The following HSDL2 variants were observed in gnomAD, a reference collection of about 807,000 sequenced individuals.
The protein encoded by HSDL2 is hydroxysteroid dehydrogenase like 2.
A neutral mutation model predicts 46.3 loss-of-function variants in HSDL2; 27 were observed. The observed-to-expected ratio is 0.58, with a 90% confidence interval of 0.43 to 0.80. The LOEUF (loss-of-function observed/expected upper bound fraction) is 0.80. Among genes scored for constraint, HSDL2 ranks in the 30% least tolerant of loss-of-function variants. The pLI, the probability that HSDL2 is intolerant of heterozygous loss-of-function variation, is 0.00. For synonymous variants in HSDL2, 153 were observed against 163.6 expected, an observed-to-expected ratio of 0.94 and a Z score of 0.50; for missense variants, 451 against 502.7, an observed-to-expected ratio of 0.90 and a Z score of 0.98.
chr9:112,402,823 A>T (rs1341542466), intron 1 of HSDL2, among the ~76,000 whole-genome samples: 2 of 152,092 alleles, frequency 1.3e-5, no homozygotes, highest in African/African-American at 4.8e-5. Flanking sequence ...TGGGAGGCTG[A>T]AGCAGGAGAA....
intron 8 of HSDL2, among the ~76,000 whole-genome samples, chr9:112,450,261 C>CCACCG (rs1554714614): frequency 7.7e-6 from 1 of 130,212 alleles, no homozygotes; most frequent in African/African-American, 3.1e-5. Flanking sequence ...GAGACCCCCC[C>CCACCG]CCCATCTCTA....
At chr9:112,380,505 C>T (rs1315812296) in intron 1 of HSDL2, among the ~76,000 whole-genome samples, 1 of 152,096 alleles carries the variant, frequency 6.6e-6, no homozygotes, top group Non-Finnish European at 1.5e-5. Flanking sequence ...TGGCCGAATG[C>T]GTGTGAGTTC....
At chr9:112,434,603 A>G (rs1832479353) in intron 6 of HSDL2, among the ~76,000 whole-genome samples, 1 of 152,112 alleles carries the variant, frequency 6.6e-6, no homozygotes, top group Non-Finnish European at 1.5e-5. Context: ...GTGGTCCCTA[A>G]GGTAATGGTG....
Position 112,471,959 on chromosome 9 carries a change from G to C in HSDL2, c.*1415G>C, listed in dbSNP as rs1397278951. 1 of 152,200 alleles carries C rather than the reference G, an allele frequency of 6.6e-6. No homozygotes were observed. The highest frequency in any genetic ancestry group is 6.5e-5 in the Admixed American group (1 of 15,276). The allele number at this position is 152,200 out of a possible 1,614,324, so 9.4% of individuals were successfully genotyped here. A position where few individuals can be genotyped will look rare whatever the true frequency, so the allele number is the denominator to read the frequency against. ...TGTATTTTACAAGTTAGGAAGCAGA[G>C]GATCAGAGATGGGAAAGGACTAGCC... On this transcript the variant is annotated 3_prime_UTR_variant, in exon 11 of 11. Transcript: ENST00000398805.
At chr9:112,464,079 G>C (rs1833299855) in intron 10 of HSDL2, among the ~76,000 whole-genome samples, 1 of 152,022 alleles carries the variant, frequency 6.6e-6, no homozygotes, top group African/African-American at 2.4e-5. Context: ...TTAAAATTGA[G>C]TTGTCAGCCA....
At chr9:112,464,243 CACACACACACACACAA>C in intron 10 of HSDL2, among the ~76,000 whole-genome samples, 1 of 49,274 alleles carries the variant, frequency 2.0e-5, no homozygotes, top group African/African-American at 8.1e-5. Flanking sequence ...CACACACACA[CACACACACACACACAA>C]GTAAAATTGA....
Position 112,470,425 on chromosome 9 carries a change from A to C in HSDL2, c.1145-7A>C. 6.3e-6 allele frequency: 10 copies of C among 1,583,516 alleles called. No individual in the cohort carries two copies. The African/African-American group carries it at 8.1e-5, about 13-fold the overall frequency. On this transcript the variant is annotated splice_polypyrimidine_tract_variant and splice_region_variant and intron_variant, in intron 10 of 10. Coordinates refer to ENST00000398805, the MANE Select transcript of HSDL2 (RefSeq NM_032303.5). ...TTGCTTTTCCCTCTCTCATTTTCTCATTTTAGGGAAACTAAAACCAACAAT... is the reference window on the plus strand; with the variant it reads ...TTGCTTTTCCCTCTCTCATTTTCTCCTTTTAGGGAAACTAAAACCAACAAT...
At chr9:112,415,452 C>G (rs976956647) in intron 4 of HSDL2, among the ~76,000 whole-genome samples, 3 of 152,142 alleles carry the variant, frequency 2.0e-5, no homozygotes, top group Non-Finnish European at 4.4e-5. Context: ...GAGAACTGAG[C>G]ATTAGAATGC....
At chr9:112,399,689 A>T (rs1283744424) in intron 1 of HSDL2, among the ~76,000 whole-genome samples, 1 of 152,310 alleles carries the variant, frequency 6.6e-6, no homozygotes, top group African/African-American at 2.4e-5. Flanking sequence ...CTAGGAAAAG[A>T]ATTTAGCAAT....
intron 1 of HSDL2, among the ~76,000 whole-genome samples, chr9:112,393,800 A>T (rs985462386): frequency 2.0e-5 from 3 of 152,270 alleles, no homozygotes; most frequent in Non-Finnish European, 4.4e-5. Context: ...AACAGGAGTT[A>T]ACACAAGTGC....
At chr9:112,388,117 C>T (rs1007106614) in intron 1 of HSDL2, among the ~76,000 whole-genome samples, 2 of 141,808 alleles carry the variant, frequency 1.4e-5, no homozygotes, top group Admixed American at 7.6e-5. Flanking sequence ...TGTGATTGCA[C>T]CACTGTACTT....
intron 6 of HSDL2, among the ~76,000 whole-genome samples, chr9:112,428,397 A>G (rs78059536): frequency 3.9e-5 from 6 of 152,294 alleles, no homozygotes; most frequent in Non-Finnish European, 8.8e-5. Context: ...CAATTCTTTT[A>G]AGATTTTCTG....
chr9:112,411,952 G>C (rs969818655), intron 4 of HSDL2, among the ~76,000 whole-genome samples: 9 of 152,134 alleles, frequency 5.9e-5, no homozygotes, highest in Non-Finnish European at 8.8e-5. Flanking sequence ...TTAGTTAAGG[G>C]CGTGTTGTGT....
intron 1 of HSDL2, among the ~76,000 whole-genome samples, chr9:112,400,854 T>C (rs1165666920): frequency 6.6e-6 from 1 of 152,190 alleles, no homozygotes; most frequent in Non-Finnish European, 1.5e-5. Context: ...GTGGCTGTCT[T>C]TACATAGTCT....
chr9:112,415,390 A>T (rs181496165), intron 4 of HSDL2, among the ~76,000 whole-genome samples: 1 of 152,158 alleles, frequency 6.6e-6, no homozygotes, highest in Non-Finnish European at 1.5e-5. Flanking sequence ...TCTAATTTTA[A>T]TCTCTTGGTC....
chr9:112,470,632 TTATA>T lies in HSDL2; in HGVS notation c.*90_*93del. ...AATCTAATGTTTGTTTTCTTTCCTG[TTATA>T]TTATAAGGATATGCACGTTTGTTCT... is the stretch of plus-strand genomic sequence containing the variant. On this transcript the variant is annotated 3_prime_UTR_variant, in exon 11 of 11. Coordinates refer to ENST00000398805, the MANE Select transcript of HSDL2 (RefSeq NM_032303.5). 2.8e-6 allele frequency: 2 copies of T among 719,768 alleles called. No individual in the cohort carries two copies. Among genetic ancestry groups the T allele is most frequent in the Non-Finnish European group, 4.6e-6 (2 of 432,920 alleles). The allele number at this position is 719,768 out of a possible 1,614,324, so 44.6% of individuals were successfully genotyped here. A position where few individuals can be genotyped will look rare whatever the true frequency, so the allele number is the denominator to read the frequency against.
At chr9:112,420,958 T>TC (rs397719653) in intron 6 of HSDL2, among the ~76,000 whole-genome samples, 1 of 151,962 alleles carries the variant, frequency 6.6e-6, no homozygotes, top group Non-Finnish European at 1.5e-5. Context: ...TTTTTTTTTT[T>TC]CCTAAACAGG....
rs114134947 is a variant in HSDL2, at chr9:112,399,499, A to G, written c.18-4496A>G. Among the ~76,000 whole-genome samples, 278 of 152,288 alleles carry G rather than the reference A, an allele frequency of 1.8e-3. 3 individuals carry two copies. The highest frequency in any genetic ancestry group is 6.5e-3 in the African/African-American group (270 of 41,574). The stretch of plus-strand genomic sequence containing the variant: ...TCGAGAGCAGAGAACCAGTTGGACC[A>G]CAAATTTACCAGGGTGGAGTTTTTC... On this transcript the variant is annotated intron_variant, in intron 1 of 10. Transcript: ENST00000398805.
In HSDL2 at chr9:112,404,253, T is replaced by C. The variant is rs149474581; in HGVS notation, c.181+95T>C. On this transcript the variant is annotated intron_variant, in intron 2 of 10. Coordinates refer to ENST00000398805, the MANE Select transcript of HSDL2 (RefSeq NM_032303.5). ...AGTTTAGTTAAAGCTATTTGAAAGC[T>C]ACCCTGAACATAATTTTATCTAGTG... 189 of 1,172,402 alleles carry C rather than the reference T, an allele frequency of 1.6e-4. No homozygotes were observed. In the Middle Eastern group the frequency reaches 2.5e-3, roughly 15 times the overall value. 72.6% of individuals were successfully genotyped at this position (1,172,402 alleles called of 1,614,324 possible). A position where few individuals can be genotyped will look rare whatever the true frequency, so the allele number is the denominator to read the frequency against.
Sources: gnomAD v4.1 joint callset for allele counts (sites outside exome capture counted in the v4.1 genomes callset) on GRCh38, gnomAD v4.1.1 for gene constraint, MANE v1.5 for transcripts, NCBI Gene and HGNC (gene_info 2026-07-23, HGNC 2026-07-21) for gene names.